Variants in MEP1B observed in about 807,000 individuals in gnomAD.
MEP1B encodes the protein meprin A subunit beta.
MEP1B carries 80 observed loss-of-function variants against 84.6 expected under a neutral mutation model. That is an observed-to-expected ratio of 0.95 (90% CI 0.79 to 1.14). MEP1B has a LOEUF of 1.14. Ranked by LOEUF, MEP1B falls within the 50% of genes most tolerant of loss-of-function variation. The pLI is 0.00. For synonymous variants in MEP1B, 273 were observed against 288.1 expected (o/e 0.95, Z 0.53); for missense variants, 766 against 855.1 (o/e 0.90, Z 1.30).
intron 8 of MEP1B, 26 bp downstream of exon 8, chr18:32,207,496 C>G (rs757480702): frequency 1.5e-5 from 22 of 1,501,626 alleles, no homozygotes; most frequent in Non-Finnish European, 1.9e-5. Flanking sequence ...TTTGAAATGA[C>G]TTATATTTTC....
chr18:32,216,293 C>T (rs892122134), intron 12 of MEP1B, among the ~76,000 whole-genome samples: 4 of 152,126 alleles, frequency 2.6e-5, no homozygotes, highest in Non-Finnish European at 4.4e-5. Context: ...TCAGAAATAA[C>T]TTCTGTTAAG....
intron 10 of MEP1B, among the ~76,000 whole-genome samples, chr18:32,211,015 G>C (rs2041021024): frequency 6.6e-6 from 1 of 152,166 alleles, no homozygotes; most frequent in African/African-American, 2.4e-5. Flanking sequence ...TGTAATCCCA[G>C]CACTTTGGGA....
intron 5 of MEP1B, among the ~76,000 whole-genome samples, chr18:32,200,059 T>A (rs9955566): frequency 0.11 from 16,209 of 152,162 alleles, 1,252 homozygotes; most frequent in African/African-American, 0.22. Flanking sequence ...ACCATGAGCT[T>A]TATTTATTTT....
rs150721615 is a variant in MEP1B, at chr18:32,213,147, T to C, written c.1167T>C (p.His389=). ...CCACTGGGAGCTGGCAACTTTATCA[T>C]GTAACATTGAAAGTGACCAAGAAGT... The part of the protein sequence containing the change: ...EIPTGSWQLY[H]VTLKVTKKFR... Residue 389 remains histidine, a synonymous_variant, in exon 11 of 15, where the codon CAT becomes CAC. Coordinates refer to ENST00000269202, the MANE Select transcript of MEP1B (RefSeq NM_005925.3). The C allele has an allele frequency of 2.9e-4, 460 of 1,613,924 alleles. 2 individuals carry two copies. The African/African-American group carries it at 5.6e-3, about 19-fold the overall frequency.
At chr18:32,199,429 A>T (rs2040886588) in intron 5 of MEP1B, among the ~76,000 whole-genome samples, 1 of 152,014 alleles carries the variant, frequency 6.6e-6, no homozygotes, top group Non-Finnish European at 1.5e-5. Flanking sequence ...GAGAAGGGGG[A>T]ATTGGCCAGA....
At chr18:32,212,008 A>T (rs895179947) in intron 10 of MEP1B, among the ~76,000 whole-genome samples, 11 of 149,008 alleles carry the variant, frequency 7.4e-5, no homozygotes, top group African/African-American at 2.7e-4. Flanking sequence ...TTATTTATGT[A>T]ACAATGTAAA....
chr18:32,191,732 A>C (rs2040803405), intron 1 of MEP1B, 90 bp from the exon 2 acceptor site: 1 of 803,076 alleles, frequency 1.2e-6, no homozygotes, highest in Non-Finnish European at 2.0e-6. Flanking sequence ...CAAAACAAAC[A>C]AACAACAAAT....
intron 11 of MEP1B, among the ~76,000 whole-genome samples, chr18:32,214,380 A>G (rs1043290441): frequency 6.6e-6 from 1 of 152,190 alleles, no homozygotes; most frequent in Non-Finnish European, 1.5e-5. Context: ...CCAAATGTGA[A>G]TTCTATATAT....
In MEP1B at chr18:32,216,909, A is replaced by G. The variant is rs1168474219; in HGVS notation, c.1760-82A>G. The G allele has an allele frequency of 7.5e-6, 11 of 1,466,710 alleles. No individual in the cohort carries two copies. In the African/African-American group the frequency reaches 1.1e-4, roughly 15 times the overall value. The allele number at this position is 1,466,710 out of a possible 1,614,324, so 90.9% of individuals were successfully genotyped here. A position where few individuals can be genotyped will look rare whatever the true frequency, so the allele number is the denominator to read the frequency against. ...AGAAAGAAAAAAGGAAAAAAGAAAC[A>G]TTAAAAGAAAATGAAAATTAAAGAT... is the stretch of plus-strand genomic sequence containing the variant. On this transcript the variant is annotated intron_variant, in intron 12 of 14. Coordinates refer to ENST00000269202, the MANE Select transcript of MEP1B (RefSeq NM_005925.3).
At chr18:32,207,744 C>T (rs539980339) in intron 8 of MEP1B, among the ~76,000 whole-genome samples, 9 of 152,272 alleles carry the variant, frequency 5.9e-5, no homozygotes, top group South Asian at 4.1e-4. Context: ...ATTCAAACCT[C>T]GGTCAGATTG....
At chr18:32,215,494 T>C (rs2041074289) in intron 12 of MEP1B, among the ~76,000 whole-genome samples, 4 of 152,146 alleles carry the variant, frequency 2.6e-5, no homozygotes, top group Non-Finnish European at 2.9e-5. Context: ...CATGAAGCTA[T>C]AGCGGAAACC....
chr18:32,212,607 T>C (rs746441769), intron 10 of MEP1B, among the ~76,000 whole-genome samples: 4 of 152,204 alleles, frequency 2.6e-5, no homozygotes, highest in Non-Finnish European at 4.4e-5. Context: ...AAAGAGTAGA[T>C]TGCAGGATGT....
In MEP1B at chr18:32,217,971, T is replaced by C. The variant is rs2041111571; in HGVS notation, c.2091+6T>C. On this transcript the variant is annotated splice_donor_region_variant and intron_variant, in intron 14 of 14. Coordinates refer to ENST00000269202, the MANE Select transcript of MEP1B (RefSeq NM_005925.3). The stretch of plus-strand genomic sequence containing the variant: ...CAAATTTGACTCCGCAAAATGTAAG[T>C]TGAGGCTGATGTTTGATTATTCATA... 2.5e-6 allele frequency: 4 copies of C among 1,613,208 alleles called. No individual in the cohort carries two copies. The highest frequency in any genetic ancestry group is 3.4e-6 in the Non-Finnish European group (4 of 1,179,468).
At chr18:32,219,699 T>C (rs1333324546) in intron 14 of MEP1B, among the ~76,000 whole-genome samples, 1 of 150,956 alleles carries the variant, frequency 6.6e-6, no homozygotes, top group African/African-American at 2.4e-5. Flanking sequence ...TAAAGAAAAA[T>C]GACAAAACCA....
Position 32,213,535 on chromosome 18 carries a change from A to G in MEP1B, c.1555A>G (p.Thr519Ala). 1 of 1,612,600 alleles carries G rather than the reference A, an allele frequency of 6.2e-7. No individual in the cohort carries two copies. The change falls in exon 11 of 15, where the codon ACT becomes GCT. Residue 519 changes from threonine to alanine, a missense_variant. Thr to Ala is a moderately conservative substitution (Grantham distance 58, BLOSUM62 0). Coordinates refer to ENST00000269202, the MANE Select transcript of MEP1B (RefSeq NM_005925.3). Reference sequence around the variant, plus strand: ...GCGTATGTCCAATCAGCGGAGTATAACTACAGACCCATTTATGACCACCGG... The same window carrying G: ...GCGTATGTCCAATCAGCGGAGTATAGCTACAGACCCATTTATGACCACCGG... ...RQRMSNQRSI[T>A]TDPFMTTDNG...
chr18:32,203,848 G>C (rs1027666364), intron 6 of MEP1B, among the ~76,000 whole-genome samples: 1 of 151,940 alleles, frequency 6.6e-6, no homozygotes, highest in Non-Finnish European at 1.5e-5. Flanking sequence ...GAGTGGGGAG[G>C]GGGAGGTGCT....
At chr18:32,211,202 G>A (rs1423979052) in intron 10 of MEP1B, among the ~76,000 whole-genome samples, 2 of 152,066 alleles carry the variant, frequency 1.3e-5, no homozygotes, top group Admixed American at 6.6e-5. Flanking sequence ...CGGGAGGCGG[G>A]GGTGGCAGTT....
chr18:32,193,401 T>C (rs1173914329), intron 4 of MEP1B, among the ~76,000 whole-genome samples: 1 of 152,148 alleles, frequency 6.6e-6, no homozygotes, highest in Non-Finnish European at 1.5e-5. Flanking sequence ...TTTTCAGTGT[T>C]CTCTCACAGC....
At chr18:32,204,640 T>C (rs763204700) in intron 7 of MEP1B, among the ~76,000 whole-genome samples, 6 of 152,176 alleles carry the variant, frequency 3.9e-5, no homozygotes, top group African/African-American at 9.7e-5. Flanking sequence ...GTGGCCAAAT[T>C]AGTTTTGCAA....
Sources: allele counts gnomAD v4.1 joint callset (sites outside exome capture counted in the v4.1 genomes callset), GRCh38; gene constraint gnomAD v4.1.1; transcripts MANE v1.5; gene names NCBI Gene and HGNC (gene_info 2026-07-23, HGNC 2026-07-21).